MST1: variants seen among roughly 807,000 people sequenced by gnomAD.
MST1 encodes the protein macrophage stimulating 1.
In MST1, 76 loss-of-function variants were observed where a neutral mutation model predicts 100.1. The observed-to-expected ratio is 0.76, with a 90% CI of 0.63 to 0.92. The LOEUF (loss-of-function observed/expected upper bound fraction) is 0.92, where lower values mean the gene tolerates loss of function less well. Ranked by LOEUF, MST1 falls within the 40% of genes least tolerant of loss-of-function variation. The pLI is 0.00. For synonymous variants in MST1, 352 were observed against 385.4 expected (o/e 0.91, Z 1.01); for missense variants, 850 against 990.0 (o/e 0.86, Z 1.90).
At chr3:49,688,574 G>A (rs756659391) in intron 1 of MST1, 24 bp downstream of exon 1, 5 of 1,610,954 alleles carry the variant, frequency 3.1e-6, no homozygotes, top group Non-Finnish European at 3.4e-6. Context: ...AAGGCAGATG[G>A]GGATCAGGGT....
chr3:49,687,984 G>T, intron 1 of MST1, 87 bp from the exon 2 acceptor site: 1 of 1,446,552 alleles, frequency 6.9e-7, no homozygotes, highest in Non-Finnish European at 9.2e-7. Flanking sequence ...GTTCATTCAG[G>T]GGATCAAAGC....
Position 49,686,199 on chromosome 3 carries a change from A to C in MST1, c.1017-7T>G, listed in dbSNP as rs752671472. 4 of 1,610,184 alleles carry C rather than the reference A, an allele frequency of 2.5e-6. No homozygotes were observed. Among genetic ancestry groups the C allele is most frequent in the Non-Finnish European group, 3.4e-6 (4 of 1,179,278 alleles). On this transcript the variant is annotated splice_polypyrimidine_tract_variant and splice_region_variant and intron_variant, in intron 8 of 17. Transcript: ENST00000449682. ...GAAGTTCTCCCGAAGGTCTCTAAGC[A>C]GGCGCTCCACTCAGCCCTAGCCCGC... is the stretch of plus-strand genomic sequence containing the variant.
intron 8 of MST1, 24 bp downstream of exon 8, chr3:49,686,289 G>GCCCCACCCCCCCCCCCCCCCCCCC: frequency 8.1e-7 from 1 of 1,235,666 alleles, no homozygotes; most frequent in Non-Finnish European, 1.1e-6. Flanking sequence ...ACGTCCCAAC[G>GCCCCACCCCCCCCCCCCCCCCCCC]CCCGCCCCCC....
Position 49,684,837 on chromosome 3 carries a change from TG to T in MST1, c.1669del (p.Gln557ArgfsTer15), listed in dbSNP as rs2108139533. The T allele has an allele frequency of 6.2e-7, 1 of 1,613,508 alleles. No individual in the cohort carries two copies. Among genetic ancestry groups the T allele is most frequent in the East Asian group, 2.2e-5 (1 of 44,884 alleles). On this transcript the variant is annotated frameshift_variant, in exon 15 of 18. Coordinates refer to ENST00000449682, the MANE Select transcript of MST1 (RefSeq NM_020998.4). LOFTEE classifies it high-confidence loss of function. ...GYEVWLGTLFQNPQHGEPSLQ... is the reference protein window; with the variant it reads ...GYEVWLGTLFXNPQHGEPSLQ... ...GCTTGGCTCTCCATGCTGTGGGTTCTGGAACAGGGTGCCCAACCATACCTCA... is the reference window on the plus strand; with the variant it reads ...GCTTGGCTCTCCATGCTGTGGGTTCTGAACAGGGTGCCCAACCATACCTCA...
rs1243595850 is a variant in MST1 at position 49,687,376 on chromosome 3, G to A, written c.458C>T (p.Pro153Leu). 3.7e-6 allele frequency: 6 copies of A among 1,613,500 alleles called. No homozygotes were observed. The highest frequency in any genetic ancestry group is 1.3e-5 in the African/African-American group (1 of 75,058). ...GTGTTTGTCTCACTTGTGATCATTT[G>A]GGAACTTGTGGCTCCAAGCCTGGCA... The part of the protein sequence containing the change: ...LPCQAWSHKF[P>L]NDHKYTPTLR... The change falls in exon 4 of 18, where the codon CCA (proline) becomes CTA (leucine). Residue 153 changes from proline (P) to leucine (L), a missense_variant. Around this residue, in one of 2 missense-constraint regions of MST1, gnomAD observed 816 missense variants for 924.6 expected, o/e 0.88. Coordinates refer to ENST00000449682, the MANE Select transcript of MST1 (RefSeq NM_020998.4).
At position 49,687,408 on chromosome 3, in the gene MST1, G is replaced by C. The variant is rs889529972; in HGVS notation, c.426C>G (p.Gly142=). The change falls in exon 4 of 18, where the codon GGC becomes GGG. Residue 142 remains glycine (G), a synonymous_variant. Transcript: ENST00000449682. ...TGTGGCTCCAAGCCTGGCAGGGCAGGCCACCCACGGTCGTGGCCATGGTGC... is the reference window on the plus strand; with the variant it reads ...TGTGGCTCCAAGCCTGGCAGGGCAGCCCACCCACGGTCGTGGCCATGGTGC... ...YRGTMATTVG[G]LPCQAWSHKF... is the part of the protein sequence containing the mutation. The C allele has an allele frequency of 8.1e-6, 13 of 1,613,304 alleles. No individual in the cohort carries two copies. Among genetic ancestry groups the C allele is most frequent in the Non-Finnish European group, 1.1e-5 (13 of 1,179,878 alleles).
intron 6 of MST1, 47 bp from the exon 7 acceptor site, chr3:49,686,849 A>G (rs762244742): frequency 3.3e-5 from 53 of 1,612,368 alleles, no homozygotes; most frequent in Non-Finnish European, 3.8e-5. Flanking sequence ...ACTCTGGCTT[A>G]TCTGGCCCCG....
intron 8 of MST1, 24 bp downstream of exon 8, chr3:49,686,289 G>GGGGGGGGGCCCCCCCCCCCCC: frequency 8.1e-7 from 1 of 1,235,664 alleles, no homozygotes; most frequent in Non-Finnish European, 1.1e-6. Flanking sequence ...ACGTCCCAAC[G>GGGGGGGGGCCCCCCCCCCCCC]CCCGCCCCCC....
chr3:49,685,226 G>A (rs1386262367), intron 13 of MST1, 36 bp downstream of exon 13: 2 of 1,611,608 alleles, frequency 1.2e-6, no homozygotes, highest in South Asian at 2.2e-5. Flanking sequence ...CACAACCTCA[G>A]CTCCTCTCTG....
Position 49,687,222 on chromosome 3 carries a change from G to T in MST1, c.534C>A (p.Pro178=), listed in dbSNP as rs1295127295. The T allele has an allele frequency of 1.9e-6, 3 of 1,613,378 alleles. No individual in the cohort carries two copies. Among genetic ancestry groups the T allele is most frequent in the South Asian group, 1.1e-5 (1 of 91,088 alleles). The change falls in exon 5 of 18, where the codon CCC becomes CCA. Residue 178 remains proline, a synonymous_variant. Coordinates refer to ENST00000449682, the MANE Select transcript of MST1 (RefSeq NM_020998.4). ...ENFCRNPDGD[P]GGPWCYTTDP... ...CTGTTGTGTAGCACCAAGGACCTCC[G>T]GGGTCGCCATCAGGGTTACGGCAGA...
rs1303430684 is a variant in MST1, at chr3:49,685,000, A to G, written c.1622+12T>C. On this transcript the variant is annotated intron_variant, in intron 14 of 17. Transcript: ENST00000449682. Reference sequence around the variant, plus strand: ...GGATGAGACTGGGTCCCCAAACACAAGGGAGGCTCACCAGGAGGAGAAGCA... The same window carrying G: ...GGATGAGACTGGGTCCCCAAACACAGGGGAGGCTCACCAGGAGGAGAAGCA... 4 of 1,612,318 alleles carry G rather than the reference A, an allele frequency of 2.5e-6. No homozygotes were observed. The African/African-American group carries it at 4.0e-5, about 16-fold the overall frequency.
chr3:49,684,520 C>T, intron 16 of MST1, 30 bp downstream of exon 16: 1 of 1,613,576 alleles, frequency 6.2e-7, no homozygotes, highest in Non-Finnish European at 8.5e-7. Context: ...GCCTCCTGGC[C>T]ACCAGCAGTC....
At chr3:49,684,906 G>T (rs987318672) in intron 14 of MST1, 22 bp from the exon 15 acceptor site, 1 of 1,613,546 alleles carries the variant, frequency 6.2e-7, no homozygotes, top group East Asian at 2.2e-5. Flanking sequence ...GCTCTGCTAG[G>T]TCATTTGTGA....
chr3:49,687,735 C>T lies in MST1; in HGVS notation c.242+15G>A. ...TCCCTGCCCCCAGTCTTATCTAGGC[C>T]CAGTGGCCACTCACCGGCAGTCCAT... is the stretch of plus-strand genomic sequence containing the variant. On this transcript the variant is annotated intron_variant, in intron 2 of 17. Coordinates refer to ENST00000449682, the MANE Select transcript of MST1 (RefSeq NM_020998.4). The T allele has an allele frequency of 6.2e-7, 1 of 1,613,564 alleles. No homozygotes were observed. Among genetic ancestry groups the T allele is most frequent in the South Asian group, 1.1e-5 (1 of 91,076 alleles).
At position 49,687,028 on chromosome 3, in the gene MST1, G is replaced by C. The variant is rs758057113; in HGVS notation, c.647C>G (p.Ala216Gly). Reference sequence around the variant, plus strand: ...GCGCCCTGACTCCGTGCGGTCTACCGCGCCGCGGTATTCCTCGCCATTGCA... The same window carrying C: ...GCGCCCTGACTCCGTGCGGTCTACCCCGCCGCGGTATTCCTCGCCATTGCA... Reference protein sequence around the residue: ...VWCNGEEYRGAVDRTESGREC... With the variant: ...VWCNGEEYRGGVDRTESGREC... Residue 216 changes from alanine to glycine, a missense_variant, in exon 6 of 18, where the codon GCG becomes GGG. Transcript: ENST00000449682. 5.6e-6 allele frequency: 9 copies of C among 1,611,522 alleles called. No individual in the cohort carries two copies. The South Asian group carries it at 8.8e-5, about 16-fold the overall frequency.
In MST1 at chr3:49,686,768, G is replaced by A. The variant is rs750641553; in HGVS notation, c.763C>T (p.Arg255Trp). ...LDQGLDDNYC[R>W]NPDGSERPWC... ...GGCCGCTCGGAGCCGTCAGGATTCC[G>A]GCAATAGTTGTCGTCCAGACCTTGG... Residue 255 changes from arginine (R) to tryptophan (W), a missense_variant, in exon 7 of 18, where the codon CGG becomes TGG. By Grantham distance (101) the Arg-to-Trp change is moderately radical (BLOSUM62 -3). Coordinates refer to ENST00000449682, the MANE Select transcript of MST1 (RefSeq NM_020998.4). 14 of 1,610,690 alleles carry A rather than the reference G, an allele frequency of 8.7e-6. No individual in the cohort carries two copies. The highest frequency in any genetic ancestry group is 1.1e-5 in the South Asian group (1 of 90,756).
At chr3:49,686,281 G>T (rs1332468054) in intron 8 of MST1, 32 bp downstream of exon 8, 30 of 1,496,756 alleles carry the variant, frequency 2.0e-5, no homozygotes, top group African/African-American at 3.6e-5. Context: ...GCAGCAGCAC[G>T]TCCCAACGCC....
rs766881866 is a variant in MST1 at position 49,686,991 on chromosome 3, G to A, written c.684C>T (p.Arg228=). ...DRTESGRECQ[R]WDLQHPHQHP... is the part of the protein sequence containing the mutation. Reference sequence around the variant, plus strand: ...GCTGGTGCGGGTGCTGAAGATCCCAGCGCTGGCACTCGCGCCCTGACTCCG... The same window carrying A: ...GCTGGTGCGGGTGCTGAAGATCCCAACGCTGGCACTCGCGCCCTGACTCCG... The change falls in exon 6 of 18, where the codon CGC becomes CGT. Residue 228 remains arginine, a synonymous_variant. Transcript: ENST00000449682. 3 of 1,611,276 alleles carry A rather than the reference G, an allele frequency of 1.9e-6. No homozygotes were observed. The highest frequency in any genetic ancestry group is 2.5e-6 in the Non-Finnish European group (3 of 1,179,780).
Position 49,687,277 on chromosome 3 carries a change from G to T in MST1, c.479C>A (p.Pro160His). 1 of 1,613,554 alleles carries T rather than the reference G, an allele frequency of 6.2e-7. No homozygotes were observed. Among genetic ancestry groups the T allele is most frequent in the Non-Finnish European group, 8.5e-7 (1 of 1,179,876 alleles). Reference protein sequence around the residue: ...HKFPNDHKYTPTLRNGLEENF... With the variant: ...HKFPNDHKYTHTLRNGLEENF... ...CTCTTCCAGGCCATTCCGGAGAGTGGGCGTGTACCTGAGGGCCCAGAGCAT... is the reference window on the plus strand; with the variant it reads ...CTCTTCCAGGCCATTCCGGAGAGTGTGCGTGTACCTGAGGGCCCAGAGCAT... Residue 160 changes from proline to histidine, a missense_variant, in exon 5 of 18, where the codon CCC (proline) becomes CAC (histidine). Around this residue, in one of 2 missense-constraint regions of MST1, gnomAD observed 816 missense variants for 924.6 expected, o/e 0.88. Transcript: ENST00000449682.
Sources: allele counts gnomAD v4.1 joint callset, GRCh38; gene constraint gnomAD v4.1.1; regional missense constraint gnomAD v4.1.1; transcripts MANE v1.5; gene names NCBI Gene and HGNC (gene_info 2026-07-23, HGNC 2026-07-21).